The following FBXO25 variants were observed in gnomAD, a reference collection of about 807,000 sequenced individuals.
The protein encoded by FBXO25 is F-box protein 25.
In FBXO25, 45 loss-of-function variants were observed where a neutral mutation model predicts 51.9. That is an observed-to-expected ratio of 0.87 (90% CI 0.68 to 1.11). The LOEUF (loss-of-function observed/expected upper bound fraction) is 1.11, where lower values mean the gene tolerates loss of function less well. Among genes scored for constraint, FBXO25 ranks in the 50% most tolerant of loss-of-function variants. The pLI is 0.00. For missense variants in FBXO25, 507 were observed against 428.5 expected (o/e 1.18, Z -1.62); for synonymous variants, 199 against 151.0 (o/e 1.32, Z -2.33).
rs181585668 is a variant in FBXO25 at position 441,390 on chromosome 8, A to C, written c.381+5683A>C. On this transcript the variant is annotated intron_variant, in intron 5 of 9. Coordinates refer to ENST00000350302, the MANE Select transcript of FBXO25 (RefSeq NM_183420.2). ...CTCAAGATGGATTAAAGACTTAAACATAAGACCTAAAACCATAAAAACCCT... is the reference window on the plus strand; with the variant it reads ...CTCAAGATGGATTAAAGACTTAAACCTAAGACCTAAAACCATAAAAACCCT... 6.2e-3 allele frequency among the ~76,000 whole-genome samples: 937 copies of C among 152,308 alleles called. 13 individuals carry two copies. Among genetic ancestry groups the C allele is most frequent in the Non-Finnish European group, 9.3e-3 (635 of 68,010 alleles).
intron 5 of FBXO25, among the ~76,000 whole-genome samples, chr8:449,003 A>G (rs962798160): frequency 6.6e-6 from 1 of 152,254 alleles, no homozygotes; most frequent in Non-Finnish European, 1.5e-5. Flanking sequence ...CTACAAAAAC[A>G]TGTCATAAAA....
chr8:429,645 C>T (rs1388249086), intron 2 of FBXO25, among the ~76,000 whole-genome samples: 1 of 152,152 alleles, frequency 6.6e-6, no homozygotes, highest in Non-Finnish European at 1.5e-5. Flanking sequence ...CAGTGTAAAA[C>T]CCACAACCAA....
At chr8:439,495 C>G (rs1309359930) in intron 5 of FBXO25, among the ~76,000 whole-genome samples, 2 of 152,248 alleles carry the variant, frequency 1.3e-5, no homozygotes, top group Admixed American at 6.5e-5. Context: ...GTACTTCATT[C>G]TCTGCCTGTG....
intron 7 of FBXO25, among the ~76,000 whole-genome samples, chr8:452,570 C>T (rs1815185926): frequency 6.6e-6 from 1 of 152,228 alleles, no homozygotes; most frequent in African/African-American, 2.4e-5. Flanking sequence ...TGATGTTCAG[C>T]AGGTGACCTT....
At chr8:437,240 T>C (rs774162447) in intron 5 of FBXO25, among the ~76,000 whole-genome samples, 45 of 152,334 alleles carry the variant, frequency 3.0e-4, no homozygotes, top group Non-Finnish European at 5.6e-4. Flanking sequence ...ACTATAAAAA[T>C]TAAAATGTGC....
chr8:454,904 G>GA lies in FBXO25; in HGVS notation c.660+3456dup, dbSNP rs371095638. Among the ~76,000 whole-genome samples the GA allele has an allele frequency of 2.7e-3, 355 of 130,994 alleles. 18 individuals are homozygous for GA. Among genetic ancestry groups the GA allele is most frequent in the African/African-American group, 1.0e-2 (336 of 33,618 alleles). 85.9% of individuals were successfully genotyped at this position (130,994 alleles called of 152,430 possible). ...AGACTCCATCTCAAAAAAAGAAAAA[G>GA]AAAAAGAAAACAAAGAATGAGGGGA... On this transcript the variant is annotated intron_variant, in intron 7 of 9. Transcript: ENST00000350302.
At chr8:464,691 G>C (rs545244643) in intron 9 of FBXO25, among the ~76,000 whole-genome samples, 1 of 152,266 alleles carries the variant, frequency 6.6e-6, no homozygotes, top group African/African-American at 2.4e-5. Flanking sequence ...TCTAAGTGTG[G>C]CTTTAAAAAT....
intron 2 of FBXO25, among the ~76,000 whole-genome samples, chr8:416,193 A>C (rs1179759563): frequency 1.3e-5 from 2 of 152,110 alleles, no homozygotes; most frequent in Non-Finnish European, 2.9e-5. Context: ...CCACAGCCCC[A>C]CTGTGTTTGC....
intron 1 of FBXO25, chr8:407,485 G>C: frequency 1.0e-6 from 1 of 963,346 alleles, no homozygotes; most frequent in African/African-American, 1.8e-5. Flanking sequence ...GGGTGGGCAC[G>C]GGGGCCGCCC....
At chr8:451,554 AT>A (rs1355061344) in intron 7 of FBXO25, 101 bp downstream of exon 7, 11 of 1,107,174 alleles carry the variant, frequency 9.9e-6, no homozygotes, top group Non-Finnish European at 1.4e-5. Flanking sequence ...TTTTTGAAAG[AT>A]TTTCTAATGC....
At chr8:445,656 C>A (rs1798692963) in intron 5 of FBXO25, among the ~76,000 whole-genome samples, 2 of 152,180 alleles carry the variant, frequency 1.3e-5, no homozygotes, top group African/African-American at 4.8e-5. Context: ...AGTTTGAGAC[C>A]AGCCTGGCCA....
intron 5 of FBXO25, among the ~76,000 whole-genome samples, chr8:447,324 C>G (rs1798802721): frequency 6.6e-6 from 1 of 152,074 alleles, no homozygotes; most frequent in Non-Finnish European, 1.5e-5. Context: ...TCCCCCAACC[C>G]TGAGGGCATC....
chr8:416,444 C>A (rs571129321), intron 2 of FBXO25, among the ~76,000 whole-genome samples: 1 of 152,280 alleles, frequency 6.6e-6, no homozygotes, highest in South Asian at 2.1e-4. Flanking sequence ...TGAGATATTC[C>A]GAACAGAGGC....
At position 469,391 on chromosome 8, in the gene FBXO25, G is replaced by GCTTCGTC; in HGVS notation, c.*587_*588insCTTCGTC. On this transcript the variant is annotated 3_prime_UTR_variant, in exon 10 of 10. Coordinates refer to ENST00000350302, the MANE Select transcript of FBXO25 (RefSeq NM_183420.2). ...AAGTGTGCACACGCAGCCCAACAACGGGCAGTGGTCTCTGTGCTCCTAGGC... is the reference window on the plus strand; with the variant it reads ...AAGTGTGCACACGCAGCCCAACAACGCTTCGTCGGCAGTGGTCTCTGTGCTCCTAGGC... The GCTTCGTC allele has an allele frequency of 6.6e-6, 1 of 152,438 alleles. No individual in the cohort carries two copies. Among genetic ancestry groups the GCTTCGTC allele is most frequent in the Non-Finnish European group, 1.5e-5 (1 of 68,188 alleles). The allele number at this position is 152,438 out of a possible 1,614,324, so 9.4% of individuals were successfully genotyped here.
Position 458,481 on chromosome 8 carries a change from C to G in FBXO25, c.773C>G (p.Thr258Arg). The change falls in exon 8 of 10, where the codon ACG (threonine) becomes AGG (arginine). Residue 258 changes from threonine to arginine, a missense_variant. Coordinates refer to ENST00000350302, the MANE Select transcript of FBXO25 (RefSeq NM_183420.2). ...ATCACCTTAGGCCAGGTGACCCCCA[C>G]GTTGTATATGCTTAGTGAAGACAGA... Reference protein sequence around the residue: ...DIITLGQVTPTLYMLSEDRQL... With the variant: ...DIITLGQVTPRLYMLSEDRQL... The G allele has an allele frequency of 1.2e-6, 2 of 1,614,146 alleles. No individual in the cohort carries two copies. Among genetic ancestry groups the G allele is most frequent in the Non-Finnish European group, 1.7e-6 (2 of 1,180,018 alleles).
chr8:413,317 C>A lies in FBXO25; in HGVS notation c.134+104C>A, dbSNP rs1412184532. On this transcript the variant is annotated intron_variant, in intron 2 of 9. Coordinates refer to ENST00000350302, the MANE Select transcript of FBXO25 (RefSeq NM_183420.2). ...AGCTCCATAACTTTTGAGACTTGCC[C>A]ACCCAGAAGGCTGGTGTGAAGAGAC... 10 of 1,362,112 alleles carry A rather than the reference C, an allele frequency of 7.3e-6. 1 individual carries two copies. The East Asian group carries it at 2.7e-4, about 36-fold the overall frequency. The allele number at this position is 1,362,112 out of a possible 1,614,324, so 84.4% of individuals were successfully genotyped here.
chr8:463,277 A>T, intron 9 of FBXO25, 127 bp downstream of exon 9: 1 of 1,079,176 alleles, frequency 9.3e-7, no homozygotes, highest in Non-Finnish European at 1.3e-6. Flanking sequence ...TTAAGGAGAT[A>T]TATTTTACCA....
intron 7 of FBXO25, 53 bp downstream of exon 7, chr8:451,506 G>C (rs1301629739): frequency 2.6e-6 from 4 of 1,522,284 alleles, no homozygotes; most frequent in Non-Finnish European, 3.6e-6. Flanking sequence ...TATTACAGAA[G>C]TTATCTTTTC....
chr8:469,719 A>G lies in FBXO25; in HGVS notation c.*915A>G, dbSNP rs1473179426. 6.6e-6 allele frequency: 1 copy of G among 152,216 alleles called. No homozygotes were observed. The highest frequency in any genetic ancestry group is 1.5e-5 in the Non-Finnish European group (1 of 68,030). 9.4% of individuals were successfully genotyped at this position (152,216 alleles called of 1,614,324 possible). On this transcript the variant is annotated 3_prime_UTR_variant, in exon 10 of 10. Coordinates refer to ENST00000350302, the MANE Select transcript of FBXO25 (RefSeq NM_183420.2). The stretch of plus-strand genomic sequence containing the variant: ...TCCCACCACCCAAAGATTATTGTGC[A>G]TGCTGAAAAGAGTATGAAAAATCCC...
Sources: gnomAD v4.1 joint callset for allele counts (sites outside exome capture counted in the v4.1 genomes callset) on GRCh38, gnomAD v4.1.1 for gene constraint, MANE v1.5 for transcripts, NCBI Gene and HGNC (gene_info 2026-07-23, HGNC 2026-07-21) for gene names.